Variants in SNTG1 observed in about 807,000 individuals in gnomAD.
The protein encoded by SNTG1 is gamma-1-syntrophin.
SNTG1 carries 39 observed loss-of-function variants against 74.7 expected under a neutral mutation model. That is an observed-to-expected ratio of 0.52 (90% CI 0.40 to 0.68). The LOEUF (loss-of-function observed/expected upper bound fraction) is 0.68, where lower values mean the gene tolerates loss of function less well. Ranked by LOEUF, SNTG1 falls within the 30% of genes least tolerant of loss-of-function variation. SNTG1 has a pLI of 0.00. For missense variants in SNTG1, 685 were observed against 609.5 expected, an observed-to-expected ratio of 1.12 and a Z score of -1.30; for synonymous variants, 254 against 217.1, an observed-to-expected ratio of 1.17 and a Z score of -1.49.
chr8:50,127,130 C>T (rs1021563504), intron 1 of SNTG1, among the ~76,000 whole-genome samples: 1 of 152,022 alleles, frequency 6.6e-6, no homozygotes, highest in Non-Finnish European at 1.5e-5. Flanking sequence ...TTCTTTAAAA[C>T]AGAAAGTAAA....
At position 50,056,538 on chromosome 8, in the gene SNTG1, G is replaced by A. The variant is rs1820037764; in HGVS notation, c.-102-116023G>A. Reference sequence around the variant, plus strand: ...ATATAGCCCAGTGGTTAAATTTTCAGGCCCTGGAGTGTGTCCAACTTCTTG... The same window carrying A: ...ATATAGCCCAGTGGTTAAATTTTCAAGCCCTGGAGTGTGTCCAACTTCTTG... On this transcript the variant is annotated intron_variant, in intron 1 of 18. Transcript: ENST00000642720. Among the ~76,000 whole-genome samples the A allele has an allele frequency of 2.0e-5, 3 of 152,144 alleles. No homozygotes were observed. The South Asian group carries it at 6.2e-4, about 31-fold the overall frequency.
chr8:50,734,344 T>C (rs939172662), intron 17 of SNTG1, among the ~76,000 whole-genome samples: 2 of 151,716 alleles, frequency 1.3e-5, no homozygotes, highest in Non-Finnish European at 3.0e-5. Context: ...TCTTTTTCAT[T>C]CTAATTATCT....
Position 50,010,130 on chromosome 8 carries a change from T to C in SNTG1, c.-103+97899T>C, listed in dbSNP as rs184216926. 2.3e-3 allele frequency among the ~76,000 whole-genome samples: 352 copies of C among 152,340 alleles called. 8 individuals carry two copies. The highest frequency in any genetic ancestry group is 9.8e-4 in the Non-Finnish European group (67 of 68,024). On this transcript the variant is annotated intron_variant, in intron 1 of 18. Transcript: ENST00000642720. ...TTGTTTTAAAAGAAAGCCACTAACA[T>C]GTATACAATTAAGGATTTTGCTCTT...
intron 2 of SNTG1, among the ~76,000 whole-genome samples, chr8:50,322,755 A>G (rs1017884868): frequency 1.3e-5 from 2 of 151,886 alleles, no homozygotes; most frequent in African/African-American, 4.8e-5. Context: ...TTCTAACTAT[A>G]TATTTTCAAA....
chr8:50,407,452 A>C (rs2092892944), intron 4 of SNTG1, among the ~76,000 whole-genome samples: 1 of 152,194 alleles, frequency 6.6e-6, no homozygotes, highest in Non-Finnish European at 1.5e-5. Flanking sequence ...AGGGAGAAAA[A>C]TGAAGCTCCA....
intron 15 of SNTG1, among the ~76,000 whole-genome samples, chr8:50,661,012 A>G (rs1047011327): frequency 6.6e-6 from 1 of 152,092 alleles, no homozygotes; most frequent in Admixed American, 6.6e-5. Context: ...AAAATTTTAC[A>G]TTTAGTTTTT....
chr8:50,289,501 A>C (rs1476249824), intron 2 of SNTG1, among the ~76,000 whole-genome samples: 2 of 152,140 alleles, frequency 1.3e-5, no homozygotes, highest in African/African-American at 4.8e-5. Context: ...GTGCACCATT[A>C]AAGAGTTTGC....
chr8:50,199,586 G>T (rs938338573), intron 2 of SNTG1, among the ~76,000 whole-genome samples: 7 of 152,136 alleles, frequency 4.6e-5, no homozygotes, highest in African/African-American at 1.7e-4. Context: ...AAATTGTGTT[G>T]AAGCAATTCT....
At position 50,656,942 on chromosome 8, in the gene SNTG1, C is replaced by A; in HGVS notation, c.883C>A (p.Gln295Lys). ...VYMGWCEARE[Q>K]DPLQDRVYSP... is the part of the protein sequence containing the mutation. ...CATGGGCTGGTGTGAAGCCCGGGAG[C>A]AAGACCCCCTCCAGGACAGAGTGTA... Residue 295 changes from glutamine (Q) to lysine (K), a missense_variant, in exon 14 of 19, where the codon CAA becomes AAA. Coordinates refer to ENST00000642720, the MANE Select transcript of SNTG1 (RefSeq NM_018967.5). 6.2e-7 allele frequency: 1 copy of A among 1,604,014 alleles called. No homozygotes were observed. The highest frequency in any genetic ancestry group is 8.5e-7 in the Non-Finnish European group (1 of 1,174,738).
At chr8:50,729,219 T>C (rs980797803) in intron 17 of SNTG1, among the ~76,000 whole-genome samples, 3 of 152,190 alleles carry the variant, frequency 2.0e-5, no homozygotes, top group African/African-American at 4.8e-5. Context: ...TCCAGGTGAA[T>C]ACATTACATA....
chr8:50,542,793 G>A (rs1358423387), intron 11 of SNTG1, among the ~76,000 whole-genome samples: 1 of 152,030 alleles, frequency 6.6e-6, no homozygotes, highest in Non-Finnish European at 1.5e-5. Flanking sequence ...ATTTTAACTG[G>A]GGTGAGATAT....
intron 1 of SNTG1, among the ~76,000 whole-genome samples, chr8:49,915,280 T>C (rs1031889910): frequency 2.6e-5 from 4 of 152,182 alleles, no homozygotes; most frequent in African/African-American, 9.7e-5. Flanking sequence ...CGAAATTCAA[T>C]GATTTTGAGA....
chr8:50,366,458 A>G (rs757568471), intron 2 of SNTG1, among the ~76,000 whole-genome samples: 2 of 152,036 alleles, frequency 1.3e-5, no homozygotes, highest in African/African-American at 2.4e-5. Flanking sequence ...TCAGAAATTC[A>G]TAACAAGCCC....
intron 2 of SNTG1, among the ~76,000 whole-genome samples, chr8:50,343,284 A>G (rs1355115723): frequency 6.6e-6 from 1 of 152,214 alleles, no homozygotes; most frequent in Non-Finnish European, 1.5e-5. Context: ...CATTAATTAC[A>G]AAGTAGTTTA....
At chr8:50,434,524 A>G (rs185926197) in intron 4 of SNTG1, among the ~76,000 whole-genome samples, 12 of 152,190 alleles carry the variant, frequency 7.9e-5, no homozygotes, top group African/African-American at 2.6e-4. Flanking sequence ...AAGTGGTCCT[A>G]TTTCTCCACA....
chr8:50,337,502 A>G (rs753170375), intron 2 of SNTG1, among the ~76,000 whole-genome samples: 1 of 152,222 alleles, frequency 6.6e-6, no homozygotes, highest in Non-Finnish European at 1.5e-5. Context: ...GAGAAAAGCA[A>G]CCATGTTTAA....
At chr8:50,702,139 A>C (rs1037210859) in intron 15 of SNTG1, among the ~76,000 whole-genome samples, 1 of 152,016 alleles carries the variant, frequency 6.6e-6, no homozygotes, top group Non-Finnish European at 1.5e-5. Flanking sequence ...GACATGAGCC[A>C]CTGCGCCCAG....
At chr8:50,293,255 G>A (rs2089203206) in intron 2 of SNTG1, among the ~76,000 whole-genome samples, 1 of 152,060 alleles carries the variant, frequency 6.6e-6, no homozygotes, top group South Asian at 2.1e-4. Context: ...TGTTGGCAGG[G>A]TTGGTTCCTC....
At chr8:50,479,294 G>A (rs1428264798) in intron 8 of SNTG1, among the ~76,000 whole-genome samples, 1 of 151,910 alleles carries the variant, frequency 6.6e-6, no homozygotes, top group African/African-American at 2.4e-5. Flanking sequence ...ATAGAACTTG[G>A]GCATTGAGGG....
Sources: gnomAD v4.1 joint callset for allele counts (sites outside exome capture counted in the v4.1 genomes callset) on GRCh38, gnomAD v4.1.1 for gene constraint, MANE v1.5 for transcripts, NCBI Gene and HGNC (gene_info 2026-07-23, HGNC 2026-07-21) for gene names.